EPHA3: variants seen among roughly 807,000 people sequenced by gnomAD.
EPHA3 encodes ephrin type-A receptor 3.
In EPHA3, 42 loss-of-function variants were observed where a neutral mutation model predicts 107.1. That is an observed-to-expected ratio of 0.39 (90% CI 0.31 to 0.51). EPHA3 has a LOEUF of 0.51. Among genes scored for constraint, EPHA3 ranks in the 20% least tolerant of loss-of-function variants. The pLI, the probability that EPHA3 is intolerant of heterozygous loss-of-function variation, is 0.78. For missense variants in EPHA3, 1,183 were observed against 1,211.2 expected, an observed-to-expected ratio of 0.98 and a Z score of 0.35; for synonymous variants, 461 against 424.8, an observed-to-expected ratio of 1.09 and a Z score of -1.05.
intron 2 of EPHA3, among the ~76,000 whole-genome samples, chr3:89,129,965 GA>G (rs908714156): frequency 1.3e-5 from 2 of 152,048 alleles, no homozygotes; most frequent in African/African-American, 4.8e-5. Flanking sequence ...AACTTAAGAG[GA>G]AAAAATCATA....
chr3:89,229,576 C>T lies in EPHA3; in HGVS notation c.814+19056C>T, dbSNP rs1030648088. On this transcript the variant is annotated intron_variant, in intron 3 of 16. Coordinates refer to ENST00000336596, the MANE Select transcript of EPHA3 (RefSeq NM_005233.6). Reference sequence around the variant, plus strand: ...TTAATTAGGTTTCATGAGTTATTTACTAAAAATAATTATAATAAGAAAATT... The same window carrying T: ...TTAATTAGGTTTCATGAGTTATTTATTAAAAATAATTATAATAAGAAAATT... Among the ~76,000 whole-genome samples the T allele has an allele frequency of 2.0e-5, 3 of 150,662 alleles. No individual in the cohort carries two copies. The East Asian group carries it at 5.8e-4, about 29-fold the overall frequency.
chr3:89,107,704 GCTT>G lies in EPHA3; in HGVS notation c.-43_-41del. The G allele has an allele frequency of 6.4e-7, 1 of 1,556,500 alleles. No individual in the cohort carries two copies. The highest frequency in any genetic ancestry group is 8.9e-7 in the Non-Finnish European group (1 of 1,128,238). On this transcript the variant is annotated 5_prime_UTR_variant, in exon 1 of 17. Coordinates refer to ENST00000336596, the MANE Select transcript of EPHA3 (RefSeq NM_005233.6). Reference sequence around the variant, plus strand: ...GCGCTCCCCCTCACATCAGTGGCATGCTTCATGGAGATATGCTCCTCTCACTGC... The same window carrying G: ...GCGCTCCCCCTCACATCAGTGGCATGCATGGAGATATGCTCCTCTCACTGC...
At chr3:89,221,426 T>A (rs1223851689) in intron 3 of EPHA3, among the ~76,000 whole-genome samples, 1 of 152,186 alleles carries the variant, frequency 6.6e-6, no homozygotes, top group African/African-American at 2.4e-5. Flanking sequence ...CTGAAAAACA[T>A]ACATAGATAC....
At chr3:89,255,529 C>A (rs1705262941) in intron 3 of EPHA3, among the ~76,000 whole-genome samples, 1 of 152,200 alleles carries the variant, frequency 6.6e-6, no homozygotes, top group South Asian at 2.1e-4. Flanking sequence ...ATGACAGGGG[C>A]CATATGGCCT....
At chr3:89,378,107 T>C (rs1708435166) in intron 5 of EPHA3, among the ~76,000 whole-genome samples, 1 of 152,016 alleles carries the variant, frequency 6.6e-6, no homozygotes, top group African/African-American at 2.4e-5. Flanking sequence ...CACTGGGGCC[T>C]GTCACAGGGT....
At chr3:89,413,683 C>T (rs1186104733) in intron 10 of EPHA3, among the ~76,000 whole-genome samples, 1 of 151,758 alleles carries the variant, frequency 6.6e-6, no homozygotes, top group Non-Finnish European at 1.5e-5. Flanking sequence ...TATCATGACT[C>T]ATCTTACATA....
chr3:89,191,125 C>T (rs1705704411), intron 2 of EPHA3, among the ~76,000 whole-genome samples: 1 of 151,852 alleles, frequency 6.6e-6, no homozygotes, highest in Non-Finnish European at 1.5e-5. Flanking sequence ...TGACGCCTGC[C>T]AGATATTATG....
At chr3:89,394,284 C>T (rs1708805378) in intron 5 of EPHA3, among the ~76,000 whole-genome samples, 1 of 152,082 alleles carries the variant, frequency 6.6e-6, no homozygotes, top group Admixed American at 6.6e-5. Context: ...GTGGCACAAG[C>T]CTGTAGTCTC....
At chr3:89,386,368 C>G (rs974965310) in intron 5 of EPHA3, among the ~76,000 whole-genome samples, 3 of 152,134 alleles carry the variant, frequency 2.0e-5, no homozygotes, top group African/African-American at 7.2e-5. Flanking sequence ...TGTCCTGTGT[C>G]CCAGCTGCTC....
chr3:89,396,596 G>T (rs1708855795), intron 6 of EPHA3, among the ~76,000 whole-genome samples: 1 of 152,072 alleles, frequency 6.6e-6, no homozygotes, highest in Non-Finnish European at 1.5e-5. Context: ...GCCCTGAGTG[G>T]AGTGGCGAGT....
chr3:89,272,033 G>A (rs1302096818), intron 3 of EPHA3, among the ~76,000 whole-genome samples: 1 of 151,594 alleles, frequency 6.6e-6, no homozygotes, highest in Non-Finnish European at 1.5e-5. Flanking sequence ...TAATAACTTT[G>A]TCTTTTCTCT....
chr3:89,309,859 A>G (rs997215837), intron 3 of EPHA3, among the ~76,000 whole-genome samples: 1 of 151,882 alleles, frequency 6.6e-6, no homozygotes, highest in Non-Finnish European at 1.5e-5. Context: ...CTCTTTTCAC[A>G]ATAAAATGCC....
intron 2 of EPHA3, among the ~76,000 whole-genome samples, chr3:89,192,161 C>T (rs981259034): frequency 2.1e-4 from 32 of 152,150 alleles, no homozygotes; most frequent in African/African-American, 7.0e-4. Flanking sequence ...CCATGAAAAA[C>T]ATGTAGTGCG....
At chr3:89,308,519 G>T (rs1409109893) in intron 3 of EPHA3, among the ~76,000 whole-genome samples, 1 of 152,122 alleles carries the variant, frequency 6.6e-6, no homozygotes, top group African/African-American at 2.4e-5. Flanking sequence ...TGAAGTGACG[G>T]TTATGCTAAG....
chr3:89,388,004 AATTT>A (rs1708656317), intron 5 of EPHA3, among the ~76,000 whole-genome samples: 1 of 152,046 alleles, frequency 6.6e-6, no homozygotes, highest in African/African-American at 2.4e-5. Flanking sequence ...TTCTGGTCAA[AATTT>A]ATTTTCAGTG....
At chr3:89,110,631 GTC>G (rs1576155201) in intron 1 of EPHA3, among the ~76,000 whole-genome samples, 2 of 151,872 alleles carry the variant, frequency 1.3e-5, no homozygotes, top group South Asian at 2.1e-4. Context: ...TTCTTATCAG[GTC>G]TCTCTGTTTA....
In EPHA3 at chr3:89,347,060, C is replaced by T. The variant is rs1398776152; in HGVS notation, c.1306+4970C>T. On this transcript the variant is annotated intron_variant, in intron 5 of 16. Transcript: ENST00000336596. ...TTGAAGTCAGGTAGTGTGATGCCTCCAGCTTTGTTCTTTTGGCTTAGGATT... is the reference window on the plus strand; with the variant it reads ...TTGAAGTCAGGTAGTGTGATGCCTCTAGCTTTGTTCTTTTGGCTTAGGATT... Among the ~76,000 whole-genome samples, 29 of 143,402 alleles carry T rather than the reference C, an allele frequency of 2.0e-4. 1 individual carries two copies. The highest frequency in any genetic ancestry group is 5.5e-4 in the Admixed American group (8 of 14,442). 94.1% of individuals were successfully genotyped at this position (143,402 alleles called of 152,430 possible).
At chr3:89,409,832 T>G (rs1709124246) in intron 9 of EPHA3, among the ~76,000 whole-genome samples, 1 of 152,084 alleles carries the variant, frequency 6.6e-6, no homozygotes, top group African/African-American at 2.4e-5. Context: ...CCTCCTAAGA[T>G]CCTGTCCCCT....
intron 8 of EPHA3, among the ~76,000 whole-genome samples, chr3:89,407,825 A>C (rs1709083802): frequency 1.3e-5 from 2 of 152,122 alleles, no homozygotes; most frequent in Non-Finnish European, 2.9e-5. Flanking sequence ...TAAAAACTGA[A>C]CTGGAGGGTC....
Sources: allele counts gnomAD v4.1 joint callset (sites outside exome capture counted in the v4.1 genomes callset), GRCh38; gene constraint gnomAD v4.1.1; transcripts MANE v1.5; gene names NCBI Gene and HGNC (gene_info 2026-07-23, HGNC 2026-07-21).